The following ACTA1 variants were observed in gnomAD, a reference collection of about 807,000 sequenced individuals.
The protein encoded by ACTA1 is actin alpha 1, skeletal muscle, also known as actin, alpha skeletal muscle.
A neutral mutation model predicts 35.8 loss-of-function variants in ACTA1; 25 were observed. The observed-to-expected ratio is 0.70, with a 90% CI of 0.51 to 0.97. The LOEUF is 0.97. Ranked by LOEUF, ACTA1 falls within the 50% of genes least tolerant of loss-of-function variation. The pLI, the probability that ACTA1 is intolerant of heterozygous loss-of-function variation, is 0.00. For missense variants in ACTA1, 174 were observed against 533.0 expected (o/e 0.33, Z 6.63); for synonymous variants, 219 against 217.1 (o/e 1.01, Z -0.08).
Position 229,431,483 on chromosome 1 carries a change from T to C in ACTA1, c.*16A>G, listed in dbSNP as rs773421666. The C allele has an allele frequency of 1.2e-6, 2 of 1,612,668 alleles. No homozygotes were observed. Among genetic ancestry groups the C allele is most frequent in the Non-Finnish European group, 1.7e-6 (2 of 1,180,004 alleles). On this transcript the variant is annotated 3_prime_UTR_variant, in exon 7 of 7. Coordinates refer to ENST00000366684, the MANE Select transcript of ACTA1 (RefSeq NM_001100.4). This position sits in a 1 kb window ranked among gnomAD's most constrained non-coding sequence, Gnocchi z 7.1. ...TTCGTCGTCCTGAGAAGTCGCGTGC[T>C]GGAGGTGGAGTGTGTCTAGAAGCAT...
Position 229,432,994 on chromosome 1 carries a change from C to CG in ACTA1, c.121dup (p.Arg41ProfsTer43). The CG allele has an allele frequency of 1.9e-6, 3 of 1,613,574 alleles. No individual in the cohort carries two copies. Among genetic ancestry groups the CG allele is most frequent in the Non-Finnish European group, 2.5e-6 (3 of 1,179,738 alleles). ...GCGGAGGGGCAGCCTGACCTGGTGT[C>CG]GGGGGCGGCCCACGATGGACGGGAA... On this transcript the variant is annotated frameshift_variant, in exon 2 of 7. Coordinates refer to ENST00000366684, the MANE Select transcript of ACTA1 (RefSeq NM_001100.4). LOFTEE classifies it high-confidence loss of function.
intron 2 of ACTA1, 37 bp downstream of exon 2, chr1:229,432,950 C>T (rs1462927014): frequency 9.9e-6 from 16 of 1,613,626 alleles, no homozygotes; most frequent in African/African-American, 4.0e-5. Flanking sequence ...TACGCGGGGA[C>T]CCCGAGCCGG....
At position 229,431,616 on chromosome 1, in the gene ACTA1, G is replaced by A. The variant is rs769841551; in HGVS notation, c.1017C>T (p.Tyr339=). Reference sequence around the variant, plus strand: ...GGATGGAGCCGCCGATCCACACCGAGTATTTGCGCTCCGGCGGGGCGATGA... The same window carrying A: ...GGATGGAGCCGCCGATCCACACCGAATATTTGCGCTCCGGCGGGGCGATGA... The part of the protein sequence containing the change: ...IKIIAPPERK[Y]SVWIGGSILA... The change falls in exon 7 of 7, where the codon TAC becomes TAT. Residue 339 remains tyrosine, a synonymous_variant. Transcript: ENST00000366684. The surrounding 1 kb of genome is among the most constrained non-coding windows in gnomAD (Gnocchi z 7.1). 18 of 1,614,034 alleles carry A rather than the reference G, an allele frequency of 1.1e-5. No individual in the cohort carries two copies. The highest frequency in any genetic ancestry group is 1.5e-5 in the Non-Finnish European group (18 of 1,180,046).
intron 3 of ACTA1, 59 bp from the exon 4 acceptor site, chr1:229,432,490 C>G: frequency 6.9e-7 from 1 of 1,448,344 alleles, no homozygotes; most frequent in Non-Finnish European, 9.1e-7. Context: ...AGGCTCTCAG[C>G]GCTAGCGGCG....
Position 229,431,425 on chromosome 1 carries a change from G to T in ACTA1, c.*74C>A. 2 of 1,597,846 alleles carry T rather than the reference G, an allele frequency of 1.3e-6. No individual in the cohort carries two copies. The highest frequency in any genetic ancestry group is 1.7e-6 in the Non-Finnish European group (2 of 1,166,816). ...GTTACAAAGAAAGTGACTGCGGGGT[G>T]GCTGGAGCTCAGCCGCCCCCCCATT... On this transcript the variant is annotated 3_prime_UTR_variant, in exon 7 of 7. Coordinates refer to ENST00000366684, the MANE Select transcript of ACTA1 (RefSeq NM_001100.4). The surrounding 1 kb of genome is among the most constrained non-coding windows in gnomAD (Gnocchi z 7.1).
intron 1 of ACTA1, among the ~76,000 whole-genome samples, chr1:229,433,659 C>T (rs977163829): frequency 1.3e-5 from 2 of 152,226 alleles, no homozygotes; most frequent in African/African-American, 4.8e-5. Flanking sequence ...CTGTTGGAAA[C>T]CCAGAATGGG....
At position 229,432,415 on chromosome 1, in the gene ACTA1, G is replaced by T. The variant is rs779530455; in HGVS notation, c.471C>A (p.Ser157=). 3.1e-6 allele frequency: 5 copies of T among 1,611,780 alleles called. No individual in the cohort carries two copies. The South Asian group carries it at 4.4e-5, about 14-fold the overall frequency. ...GCACGTTGTGGGTGACGCCGTCGCC[G>T]GAGTCCAGCACGATGCCTGTGCGCG... ...SGRTTGIVLD[S]GDGVTHNVPI... Residue 157 remains serine, a synonymous_variant, in exon 4 of 7, where the codon TCC becomes TCA. Coordinates refer to ENST00000366684, the MANE Select transcript of ACTA1 (RefSeq NM_001100.4).
Position 229,433,109 on chromosome 1 carries a change from C to T in ACTA1, c.7G>A (p.Asp3Asn). ...ACGAGGGCGGTGGTCTCGTCTTCGT[C>T]GCACATTGTGTCTAGTTTCTGCAAG... MC[D>N]EDETTALVCD... Residue 3 changes from aspartate (D) to asparagine (N), a missense_variant, in exon 2 of 7, where the codon GAC becomes AAC. By Grantham distance (23) the Asp-to-Asn change is conservative. Transcript: ENST00000366684. The T allele has an allele frequency of 6.2e-7, 1 of 1,614,144 alleles. No homozygotes were observed. The highest frequency in any genetic ancestry group is 8.5e-7 in the Non-Finnish European group (1 of 1,180,018).
At position 229,432,884 on chromosome 1, in the gene ACTA1, C is replaced by T. The variant is rs1456859867; in HGVS notation, c.130-4G>A. 9 of 1,614,018 alleles carry T rather than the reference C, an allele frequency of 5.6e-6. No homozygotes were observed. The East Asian group carries it at 1.8e-4, about 32-fold the overall frequency. On this transcript the variant is annotated splice_region_variant and splice_polypyrimidine_tract_variant and intron_variant, in intron 2 of 6. Coordinates refer to ENST00000366684, the MANE Select transcript of ACTA1 (RefSeq NM_001100.4). ...GACCCATACCGACCATGACGCCCTG[C>T]AGAGCCGAGACACCACGCACCCGTT...
rs866113004 is a variant in ACTA1 at position 229,431,541 on chromosome 1, G to A, written c.1092C>T (p.Tyr364=). 2 of 1,613,706 alleles carry A rather than the reference G, an allele frequency of 1.2e-6. No homozygotes were observed. The highest frequency in any genetic ancestry group is 1.7e-4 in the Middle Eastern group (1 of 5,754). ...FQQMWITKQE[Y]DEAGPSIVHR... is the part of the protein sequence containing the mutation. The stretch of plus-strand genomic sequence containing the variant: ...GGACGATGGAAGGGCCGGCCTCGTC[G>A]TACTCCTGCTTGGTGATCCACATCT... The change falls in exon 7 of 7, where the codon TAC becomes TAT. Residue 364 remains tyrosine, a synonymous_variant. Coordinates refer to ENST00000366684, the MANE Select transcript of ACTA1 (RefSeq NM_001100.4). This position sits in a 1 kb window ranked among gnomAD's most constrained non-coding sequence, Gnocchi z 7.1.
At position 229,432,702 on chromosome 1, in the gene ACTA1, T is replaced by A; in HGVS notation, c.308A>T (p.His103Leu). ...YNELRVAPEE[H>L]PTLLTEAPLN... Reference sequence around the variant, plus strand: ...GGGGGCCTCGGTGAGCAGGGTGGGGTGCTCCTCGGGAGCCACGCGAAGCTC... The same window carrying A: ...GGGGGCCTCGGTGAGCAGGGTGGGGAGCTCCTCGGGAGCCACGCGAAGCTC... Residue 103 changes from histidine to leucine, a missense_variant, in exon 3 of 7, where the codon CAC becomes CTC. His to Leu is a moderately conservative substitution (Grantham distance 99). Transcript: ENST00000366684. 6.2e-7 allele frequency: 1 copy of A among 1,614,034 alleles called. No homozygotes were observed. Among genetic ancestry groups the A allele is most frequent in the Non-Finnish European group, 8.5e-7 (1 of 1,179,982 alleles).
chr1:229,431,664 GGGGA>G lies in ACTA1; in HGVS notation c.991-26_991-23del. 1 of 1,614,010 alleles carries G rather than the reference GGGGA, an allele frequency of 6.2e-7. No homozygotes were observed. Among genetic ancestry groups the G allele is most frequent in the Non-Finnish European group, 8.5e-7 (1 of 1,179,990 alleles). On this transcript the variant is annotated intron_variant, in intron 6 of 6. Transcript: ENST00000366684. This position sits in a 1 kb window ranked among gnomAD's most constrained non-coding sequence, Gnocchi z 7.1. ...TGATCTGCAAGACAGCGCGTGAGGT[GGGGA>G]GACCTCACCCTGGAGCCCACCCCGC...
intron 1 of ACTA1, among the ~76,000 whole-genome samples, chr1:229,433,352 C>T (rs1462610328): frequency 6.6e-6 from 1 of 152,170 alleles, no homozygotes; most frequent in Non-Finnish European, 1.5e-5. Flanking sequence ...GGCACAGGGT[C>T]GCGAGACCCC....
Position 229,432,590 on chromosome 1 carries a change from G to T in ACTA1, c.420C>A (p.Ala140=), listed in dbSNP as rs765588353. The part of the protein sequence containing the change: ...NVPAMYVAIQ[A]VLSLYASGRT... ...TGCCGGAGGCGTAGAGGGACAGCAC[G>T]GCCTGGATGGCCACGTACATGGCGG... Residue 140 remains alanine (A), a synonymous_variant, in exon 3 of 7, where the codon GCC becomes GCA. Transcript: ENST00000366684. 1.5e-5 allele frequency: 25 copies of T among 1,613,642 alleles called. No individual in the cohort carries two copies. The highest frequency in any genetic ancestry group is 2.1e-5 in the Non-Finnish European group (25 of 1,179,962).
Position 229,431,943 on chromosome 1 carries a change from G to T in ACTA1, c.809-41C>A, listed in dbSNP as rs772275013. ...GGGAGCGTGAGCAGAAGCTCGGGGC[G>T]CCGGGGGCCGGCGGGGCCTGGGGGC... On this transcript the variant is annotated intron_variant, in intron 5 of 6. Coordinates refer to ENST00000366684, the MANE Select transcript of ACTA1 (RefSeq NM_001100.4). This position sits in a 1 kb window ranked among gnomAD's most constrained non-coding sequence, Gnocchi z 7.1. The T allele has an allele frequency of 4.4e-6, 7 of 1,607,872 alleles. No individual in the cohort carries two copies. In the Admixed American group the frequency reaches 1.2e-4, roughly 27 times the overall value.
chr1:229,432,478 C>CT (rs1445283336), intron 3 of ACTA1, 47 bp from the exon 4 acceptor site: 1 of 1,524,980 alleles, frequency 6.6e-7, no homozygotes, highest in Non-Finnish European at 8.8e-7. Context: ...GAGGCCGAGG[C>CT]TAGGCTCTCA....
rs569500994 is a variant in ACTA1 at position 229,432,112 on chromosome 1, C to T, written c.690G>A (p.Ala230=). The T allele has an allele frequency of 6.2e-7, 1 of 1,613,322 alleles. No individual in the cohort carries two copies. Among genetic ancestry groups the T allele is most frequent in the South Asian group, 1.1e-5 (1 of 91,040 alleles). ...CCAGGGAGGAGGAGGAGGCGGCCGT[C>T]GCCATCTCGTTCTCGAAGTCCAGGG... ...YVALDFENEM[A]TAASSSSLEK... Residue 230 remains alanine (A), a synonymous_variant, in exon 5 of 7, where the codon GCG becomes GCA. Coordinates refer to ENST00000366684, the MANE Select transcript of ACTA1 (RefSeq NM_001100.4).
Position 229,432,883 on chromosome 1 carries a change from G to A in ACTA1, c.130-3C>T. 6.2e-7 allele frequency: 1 copy of A among 1,614,136 alleles called. No individual in the cohort carries two copies. Among genetic ancestry groups the A allele is most frequent in the Non-Finnish European group, 8.5e-7 (1 of 1,179,998 alleles). The stretch of plus-strand genomic sequence containing the variant: ...TGACCCATACCGACCATGACGCCCT[G>A]CAGAGCCGAGACACCACGCACCCGT... On this transcript the variant is annotated splice_region_variant and splice_polypyrimidine_tract_variant and intron_variant, in intron 2 of 6. Coordinates refer to ENST00000366684, the MANE Select transcript of ACTA1 (RefSeq NM_001100.4).
In ACTA1 at chr1:229,431,417, T is replaced by G. The variant is rs1187941905; in HGVS notation, c.*82A>C. On this transcript the variant is annotated 3_prime_UTR_variant, in exon 7 of 7. Coordinates refer to ENST00000366684, the MANE Select transcript of ACTA1 (RefSeq NM_001100.4). The surrounding 1 kb of genome is among the most constrained non-coding windows in gnomAD (Gnocchi z 7.1). ...CGGAAGTTGTTACAAAGAAAGTGACTGCGGGGTGGCTGGAGCTCAGCCGCC... is the reference window on the plus strand; with the variant it reads ...CGGAAGTTGTTACAAAGAAAGTGACGGCGGGGTGGCTGGAGCTCAGCCGCC... The G allele has an allele frequency of 1.3e-6, 2 of 1,581,660 alleles. No homozygotes were observed. Among genetic ancestry groups the G allele is most frequent in the African/African-American group, 2.7e-5 (2 of 74,214 alleles).
Sources: gnomAD v4.1 joint callset for allele counts (sites outside exome capture counted in the v4.1 genomes callset) on GRCh38, gnomAD v4.1.1 for gene constraint, Gnocchi (gnomAD v3.1) non-coding constraint, MANE v1.5 for transcripts, NCBI Gene and HGNC (gene_info 2026-07-23, HGNC 2026-07-21) for gene names.